The following ARHGAP22 variants were observed in gnomAD, a reference collection of about 807,000 sequenced individuals.
The protein encoded by ARHGAP22 is Rho GTPase activating protein 22.
A neutral mutation model predicts 59.1 loss-of-function variants in ARHGAP22; 48 were observed. The ratio of observed to expected loss-of-function variants is 0.81; its 90% CI spans 0.64 to 1.03. The LOEUF (loss-of-function observed/expected upper bound fraction) is 1.03. Among genes scored for constraint, ARHGAP22 ranks in the 50% least tolerant of loss-of-function variants. ARHGAP22 has a pLI of 0.00. For missense variants in ARHGAP22, 1,015 were observed against 958.7 expected, an observed-to-expected ratio of 1.06 and a Z score of -0.78; for synonymous variants, 445 against 416.4, an observed-to-expected ratio of 1.07 and a Z score of -0.84.
rs1362482918 is a variant in ARHGAP22, at chr10:48,527,400, GATAGATGA to G, written c.322+28055_322+28062del. Among the ~76,000 whole-genome samples, 17 of 151,930 alleles carry G rather than the reference GATAGATGA, an allele frequency of 1.1e-4. No individual in the cohort carries two copies. In the South Asian group the frequency reaches 2.1e-3, roughly 19 times the overall value. On this transcript the variant is annotated intron_variant, in intron 3 of 9. Coordinates refer to ENST00000249601, the MANE Select transcript of ARHGAP22 (RefSeq NM_021226.4). ...GGATCGTTGATTGGATGTAGGTGTG[GATAGATGA>G]ATAGATGAATGGATGGGTGGATGGA... is the stretch of plus-strand genomic sequence containing the variant.
intron 8 of ARHGAP22, chr10:48,451,618 GC>G: frequency 1.4e-6 from 1 of 695,136 alleles, no homozygotes. Context: ...CTGTGTGGGG[GC>G]ACACACATAC....
At chr10:48,629,362 C>A (rs1278060383) in intron 1 of ARHGAP22, among the ~76,000 whole-genome samples, 1 of 152,164 alleles carries the variant, frequency 6.6e-6, no homozygotes, top group East Asian at 1.9e-4. Context: ...GGTGTCAATC[C>A]CAAGGTTTTC....
the ARHGAP22 span, chr10:48,430,538 T>G: frequency 6.6e-6 from 1 of 152,448 alleles, no homozygotes; most frequent in African/African-American, 2.4e-5. Context: ...GTGTGTCTCT[T>G]CAGTTGGAAC....
intron 3 of ARHGAP22, among the ~76,000 whole-genome samples, chr10:48,543,120 A>G (rs2056119128): frequency 1.3e-5 from 2 of 152,214 alleles, no homozygotes; most frequent in South Asian, 4.1e-4. Flanking sequence ...GCCCAAGGGG[A>G]CACACCAGCT....
Position 48,618,057 on chromosome 10 carries a change from C to T in ARHGAP22, c.52+34177G>A, listed in dbSNP as rs150980225. Among the ~76,000 whole-genome samples the T allele has an allele frequency of 1.5e-3, 225 of 151,990 alleles. 1 individual carries two copies. Among genetic ancestry groups the T allele is most frequent in the African/African-American group, 5.3e-3 (221 of 41,502 alleles). ...GATCATTAGAGATTAATGTGTACAA[C>T]TATATACCAACAAATGAAAATAAAT... On this transcript the variant is annotated intron_variant, in intron 1 of 9. Transcript: ENST00000435790.
At chr10:48,484,599 C>G (rs2049673734) in intron 3 of ARHGAP22, among the ~76,000 whole-genome samples, 1 of 152,190 alleles carries the variant, frequency 6.6e-6, no homozygotes, top group South Asian at 2.1e-4. Flanking sequence ...ATGCAGCCAT[C>G]TAGGCCTGGA....
At chr10:48,489,257 A>AT (rs2134192683) in intron 3 of ARHGAP22, among the ~76,000 whole-genome samples, 1 of 152,294 alleles carries the variant, frequency 6.6e-6, no homozygotes, top group South Asian at 2.1e-4. Flanking sequence ...GGCAGTCTTC[A>AT]TAGACACCCT....
At chr10:48,492,135 T>C (rs1477791465) in intron 3 of ARHGAP22, among the ~76,000 whole-genome samples, 1 of 152,246 alleles carries the variant, frequency 6.6e-6, no homozygotes, top group Non-Finnish European at 1.5e-5. Context: ...GGGTAACTGA[T>C]ATGTGTGAAA....
At chr10:48,546,073 T>G (rs1350318448) in intron 3 of ARHGAP22, among the ~76,000 whole-genome samples, 3 of 152,330 alleles carry the variant, frequency 2.0e-5, no homozygotes, top group Non-Finnish European at 4.4e-5. Context: ...TGATCAGGAC[T>G]CCCTGGCTTG....
At chr10:48,496,740 G>A (rs938632802) in intron 3 of ARHGAP22, among the ~76,000 whole-genome samples, 9 of 152,258 alleles carry the variant, frequency 5.9e-5, no homozygotes, top group East Asian at 3.9e-4. Flanking sequence ...GCCGTGTGCC[G>A]GTTGCTACTT....
At chr10:48,576,918 C>T in intron 2 of ARHGAP22, among the ~76,000 whole-genome samples, 1 of 151,046 alleles carries the variant, frequency 6.6e-6, no homozygotes, top group African/African-American at 2.4e-5. Context: ...CCCACACCGC[C>T]ACCCACCGCC....
At chr10:48,607,382 G>T (rs966701041), upstream of ARHGAP22, among the ~76,000 whole-genome samples, 1 of 152,222 alleles carries the variant, frequency 6.6e-6, no homozygotes, top group Non-Finnish European at 1.5e-5. Flanking sequence ...AAGGCTGGGG[G>T]AATGGGGCAG....
At chr10:48,509,767 T>C (rs2052561732) in intron 3 of ARHGAP22, among the ~76,000 whole-genome samples, 1 of 152,176 alleles carries the variant, frequency 6.6e-6, no homozygotes, top group South Asian at 2.1e-4. Flanking sequence ...TTTCAGTGCC[T>C]GCTACTCCGG....
chr10:48,436,491 G>A, the ARHGAP22 span: 1 of 152,022 alleles, frequency 6.6e-6, no homozygotes, highest in African/African-American at 2.4e-5. Flanking sequence ...TCTGGAACAA[G>A]AGGGATTTCA....
intron 3 of ARHGAP22, among the ~76,000 whole-genome samples, chr10:48,529,611 G>A (rs1421052541): frequency 6.6e-6 from 1 of 152,206 alleles, no homozygotes; most frequent in East Asian, 1.9e-4. Context: ...AGCTGTGTGA[G>A]TGAGGCTGTC....
At chr10:48,492,667 C>T (rs527430127) in intron 3 of ARHGAP22, among the ~76,000 whole-genome samples, 6 of 152,078 alleles carry the variant, frequency 3.9e-5, no homozygotes, top group African/African-American at 7.2e-5. Flanking sequence ...GATTCTCCTG[C>T]CTCAGCCTCC....
the ARHGAP22 span, among the ~76,000 whole-genome samples, chr10:48,440,035 T>G: frequency 1.3e-5 from 2 of 152,220 alleles, no homozygotes; most frequent in Admixed American, 1.3e-4. Context: ...GAAGCAAGTG[T>G]CAGAATGTTG....
At chr10:48,638,963 A>T (rs1255158826) in intron 1 of ARHGAP22, among the ~76,000 whole-genome samples, 1 of 152,228 alleles carries the variant, frequency 6.6e-6, no homozygotes, top group Non-Finnish European at 1.5e-5. Context: ...GACATAAACA[A>T]CCATTTCTGT....
intron 3 of ARHGAP22, among the ~76,000 whole-genome samples, chr10:48,499,529 C>T (rs1030932136): frequency 6.6e-6 from 1 of 152,230 alleles, no homozygotes. Context: ...TGGCACCATT[C>T]CCATCAAAGC....
Sources: gnomAD v4.1 joint callset for allele counts (sites outside exome capture counted in the v4.1 genomes callset) on GRCh38, gnomAD v4.1.1 for gene constraint, MANE v1.5 for transcripts, NCBI Gene and HGNC (gene_info 2026-07-23, HGNC 2026-07-21) for gene names.